Variants in ASB3 observed in about 807,000 individuals in gnomAD.
The protein encoded by ASB3 is ankyrin repeat and SOCS box containing 3.
A neutral mutation model predicts 54.5 loss-of-function variants in ASB3; 41 were observed. That is an observed-to-expected ratio of 0.75 (90% confidence interval 0.59 to 0.98). The LOEUF (loss-of-function observed/expected upper bound fraction) is 0.98. Among genes scored for constraint, ASB3 ranks in the 50% least tolerant of loss-of-function variants. The pLI is 0.00. For missense variants in ASB3, 733 were observed against 620.0 expected, an observed-to-expected ratio of 1.18 and a Z score of -1.94; for synonymous variants, 266 against 221.2, an observed-to-expected ratio of 1.20 and a Z score of -1.80.
intron 9 of ASB3, among the ~76,000 whole-genome samples, chr2:53,690,605 C>T (rs1668862063): frequency 6.7e-6 from 1 of 149,738 alleles, no homozygotes; most frequent in Non-Finnish European, 1.5e-5. Context: ...TCATTGACAA[C>T]AGAGCTCAGA....
chr2:53,695,213 A>C (rs1286882944), intron 8 of ASB3, among the ~76,000 whole-genome samples: 2 of 152,184 alleles, frequency 1.3e-5, no homozygotes, highest in Non-Finnish European at 2.9e-5. Context: ...ACTTCTGGTA[A>C]TTTGGAGTCA....
chr2:53,732,236 T>C (rs1205085505), intron 3 of ASB3, among the ~76,000 whole-genome samples: 1 of 151,866 alleles, frequency 6.6e-6, no homozygotes, highest in Non-Finnish European at 1.5e-5. Flanking sequence ...GCTGGGATTA[T>C]AGGCATGAGC....
At chr2:53,711,461 T>C (rs1670091843) in intron 7 of ASB3, among the ~76,000 whole-genome samples, 1 of 152,188 alleles carries the variant, frequency 6.6e-6, no homozygotes, top group African/African-American at 2.4e-5. Flanking sequence ...CAGCTCCAGA[T>C]CAGGGTTGGC....
intron 7 of ASB3, among the ~76,000 whole-genome samples, chr2:53,708,022 A>G (rs1282498162): frequency 6.6e-6 from 1 of 151,996 alleles, no homozygotes; most frequent in African/African-American, 2.4e-5. Flanking sequence ...AATGCAGAAT[A>G]TCAGTCCCCA....
intron 3 of ASB3, among the ~76,000 whole-genome samples, chr2:53,740,669 G>A (rs1458526017): frequency 6.6e-6 from 1 of 152,070 alleles, no homozygotes; most frequent in Non-Finnish European, 1.5e-5. Context: ...GATCTTCTGG[G>A]CAAAACTCAT....
In ASB3 at chr2:53,670,598, GCTGA is replaced by G. The variant is rs1312185967; in HGVS notation, c.1458_1461del (p.Gln487CysfsTer17). ...TTATGTAGGCTTCTGGGAAGTGGCAGCTGACTAATATAACTGTCAGACCGTAGAC... is the reference window on the plus strand; with the variant it reads ...TTATGTAGGCTTCTGGGAAGTGGCAGCTAATATAACTGTCAGACCGTAGAC... On this transcript the variant is annotated frameshift_variant, in exon 10 of 10. Coordinates refer to ENST00000263634, the MANE Select transcript of ASB3 (RefSeq NM_016115.5). LOFTEE classifies it high-confidence loss of function. The G allele has an allele frequency of 6.2e-7, 1 of 1,613,892 alleles. No individual in the cohort carries two copies. Among genetic ancestry groups the G allele is most frequent in the African/African-American group, 1.3e-5 (1 of 74,900 alleles).
At chr2:53,717,217 A>G (rs1670447652) in intron 5 of ASB3, among the ~76,000 whole-genome samples, 1 of 152,258 alleles carries the variant, frequency 6.6e-6, no homozygotes, top group Non-Finnish European at 1.5e-5. Flanking sequence ...AACATTTAAA[A>G]AGAAAAATGC....
At position 53,712,233 on chromosome 2, in the gene ASB3, A is replaced by G. The variant is rs527246401; in HGVS notation, c.980+2151T>C. Among the ~76,000 whole-genome samples, 41 of 152,136 alleles carry G rather than the reference A, an allele frequency of 2.7e-4. 1 individual carries two copies. The South Asian group carries it at 7.7e-3, about 28-fold the overall frequency. ...AAAAAATACAAAAAAAAAAAAATAC[A>G]TTAAAAACGCTTCTTTGCCAAAGAC... On this transcript the variant is annotated intron_variant, in intron 7 of 9. Transcript: ENST00000263634.
At chr2:53,709,171 C>T (rs1233330276) in intron 7 of ASB3, among the ~76,000 whole-genome samples, 1 of 152,202 alleles carries the variant, frequency 6.6e-6, no homozygotes, top group Non-Finnish European at 1.5e-5. Flanking sequence ...GTTTCATGGG[C>T]CAGGCCCAGT....
At chr2:53,780,313 A>G (rs1490056419) in intron 1 of ASB3, among the ~76,000 whole-genome samples, 4 of 151,988 alleles carry the variant, frequency 2.6e-5, no homozygotes, top group African/African-American at 9.7e-5. Context: ...CACCCTCCTC[A>G]TTCTTTAAGA....
At chr2:53,727,897 T>C (rs1671096358) in intron 5 of ASB3, among the ~76,000 whole-genome samples, 1 of 152,136 alleles carries the variant, frequency 6.6e-6, no homozygotes, top group Admixed American at 6.5e-5. Context: ...AGCTAATTTT[T>C]GTATTTTCAG....
intron 2 of ASB3, among the ~76,000 whole-genome samples, chr2:53,762,171 C>CTGTGTG (rs3062426): frequency 2.8e-4 from 42 of 149,806 alleles, no homozygotes; most frequent in South Asian, 8.4e-4. Flanking sequence ...AGTGATCTAA[C>CTGTGTG]TGTGTGTGTG....
At chr2:53,749,878 A>G (rs1401549214) in intron 3 of ASB3, among the ~76,000 whole-genome samples, 1 of 152,068 alleles carries the variant, frequency 6.6e-6, no homozygotes, top group African/African-American at 2.4e-5. Flanking sequence ...AATTTTATGA[A>G]TACATCAAAA....
At chr2:53,711,465 G>T (rs1306868323) in intron 7 of ASB3, among the ~76,000 whole-genome samples, 1 of 152,146 alleles carries the variant, frequency 6.6e-6, no homozygotes, top group South Asian at 2.1e-4. Flanking sequence ...TCCAGATCAG[G>T]GTTGGCCCTC....
chr2:53,725,538 T>G (rs1169780313), intron 5 of ASB3, among the ~76,000 whole-genome samples: 6 of 152,264 alleles, frequency 3.9e-5, no homozygotes, highest in African/African-American at 1.4e-4. Context: ...TCACTTTTTG[T>G]GAAGATTTTG....
At chr2:53,747,005 T>C (rs1051056027) in intron 3 of ASB3, among the ~76,000 whole-genome samples, 1 of 152,142 alleles carries the variant, frequency 6.6e-6, no homozygotes, top group South Asian at 2.1e-4. Flanking sequence ...TTATCTCCCA[T>C]CCCTTGCTTC....
chr2:53,675,224 G>T (rs1245105968), intron 9 of ASB3, among the ~76,000 whole-genome samples: 1 of 152,088 alleles, frequency 6.6e-6, no homozygotes, highest in Non-Finnish European at 1.5e-5. Flanking sequence ...AGAATCTAGT[G>T]ATCTCCAAAT....
At chr2:53,759,629 T>C (rs560850101) in intron 2 of ASB3, among the ~76,000 whole-genome samples, 120 of 152,296 alleles carry the variant, frequency 7.9e-4, no homozygotes, top group Non-Finnish European at 1.3e-3. Flanking sequence ...AAATGGACTT[T>C]GAAGGCTCTG....
At chr2:53,775,284 G>A (rs1427094268) in intron 1 of ASB3, 2 of 152,424 alleles carry the variant, frequency 1.3e-5, no homozygotes, top group Non-Finnish European at 2.9e-5. Flanking sequence ...CACATATAAT[G>A]AAAATTTAGT....
Sources: gnomAD v4.1 joint callset for allele counts (sites outside exome capture counted in the v4.1 genomes callset) on GRCh38, gnomAD v4.1.1 for gene constraint, MANE v1.5 for transcripts, NCBI Gene and HGNC (gene_info 2026-07-23, HGNC 2026-07-21) for gene names.